Variants in ATP10B observed in about 807,000 individuals in gnomAD.
The protein encoded by ATP10B is ATPase phospholipid transporting 10B (putative).
In ATP10B, 122 loss-of-function variants were observed where a neutral mutation model predicts 141.2. The observed-to-expected ratio is 0.86, with a 90% CI of 0.75 to 1.00. The LOEUF (loss-of-function observed/expected upper bound fraction) is 1.00. ATP10B is among the 50% of genes least tolerant of loss of function. ATP10B has a pLI of 0.00. For missense variants in ATP10B, 1,876 were observed against 1,825.3 expected (o/e 1.03, Z -0.51); for synonymous variants, 685 against 692.0 (o/e 0.99, Z 0.16).
At chr5:160,572,306 A>G (rs993531731) in intron 24 of ATP10B, among the ~76,000 whole-genome samples, 1 of 152,100 alleles carries the variant, frequency 6.6e-6, no homozygotes, top group Non-Finnish European at 1.5e-5. Flanking sequence ...AACTTTTTCA[A>G]TTGCTTTAAT....
At chr5:160,870,834 A>G in the ATP10B span, among the ~76,000 whole-genome samples, 1 of 152,148 alleles carries the variant, frequency 6.6e-6, no homozygotes, top group East Asian at 1.9e-4. Context: ...GAAAGCAGTC[A>G]GAGGGAAAAA....
chr5:160,635,348 G>C (rs1199524952), intron 11 of ATP10B, among the ~76,000 whole-genome samples: 1 of 152,086 alleles, frequency 6.6e-6, no homozygotes, highest in African/African-American at 2.4e-5. Context: ...TGAGTGAGGA[G>C]GGGGAGAGGG....
At chr5:160,819,883 C>T (rs1773968615) in intron 1 of ATP10B, among the ~76,000 whole-genome samples, 1 of 151,852 alleles carries the variant, frequency 6.6e-6, no homozygotes, top group African/African-American at 2.4e-5. Context: ...AGAAAAATCA[C>T]CTTCATTTTA....
At chr5:160,695,643 CA>C (rs1764316574) in intron 3 of ATP10B, among the ~76,000 whole-genome samples, 1 of 152,102 alleles carries the variant, frequency 6.6e-6, no homozygotes, top group African/African-American at 2.4e-5. Flanking sequence ...GGCTAAAAAG[CA>C]GAAATAAGTC....
chr5:160,582,634 A>G (rs1351031300), intron 24 of ATP10B, among the ~76,000 whole-genome samples: 1 of 151,360 alleles, frequency 6.6e-6, no homozygotes. Flanking sequence ...CTGTCTTGCT[A>G]GGTTGGAGAA....
chr5:160,823,093 C>T lies in ATP10B; in HGVS notation c.-576+28848G>A, dbSNP rs565641425. ...AGGATAAATGCTGAGGTGATAGATA[C>T]CCCCATTTACCCTGATGTGATTATT... On this transcript the variant is annotated intron_variant, in intron 1 of 25. Coordinates refer to ENST00000327245, the MANE Select transcript of ATP10B (RefSeq NM_025153.3). Among the ~76,000 whole-genome samples, 16 of 142,734 alleles carry T rather than the reference C, an allele frequency of 1.1e-4. No homozygotes were observed. In the South Asian group the frequency reaches 3.3e-3, roughly 30 times the overall value. 93.6% of individuals were successfully genotyped at this position (142,734 alleles called of 152,430 possible).
At chr5:160,832,062 T>C (rs1775117100) in intron 1 of ATP10B, among the ~76,000 whole-genome samples, 1 of 152,118 alleles carries the variant, frequency 6.6e-6, no homozygotes, top group African/African-American at 2.4e-5. Context: ...AGGGGTCAAA[T>C]AGCCCAGCAT....
intron 1 of ATP10B, among the ~76,000 whole-genome samples, chr5:160,845,191 T>A (rs1329642680): frequency 6.6e-6 from 1 of 152,228 alleles, no homozygotes; most frequent in Non-Finnish European, 1.5e-5. Flanking sequence ...ATTATCACTA[T>A]GTGACTCTAA....
At chr5:160,631,359 C>G (rs1188983459) in intron 13 of ATP10B, among the ~76,000 whole-genome samples, 4 of 152,192 alleles carry the variant, frequency 2.6e-5, no homozygotes, top group Non-Finnish European at 5.9e-5. Context: ...TGGGGAGAAA[C>G]TTGGTTTTCT....
chr5:160,620,916 G>A lies in ATP10B; in HGVS notation c.1847C>T (p.Thr616Met), dbSNP rs754939093. Reference sequence around the variant, plus strand: ...GAGCTGCTGAATCTTCTCCAGGGACGTCCCCAGAGCCTTGCTTGAGGGTTT... The same window carrying A: ...GAGCTGCTGAATCTTCTCCAGGGACATCCCCAGAGCCTTGCTTGAGGGTTT... The part of the protein sequence containing the change: ...TIKPSSKALG[T>M]SLEKIQQLFQ... Residue 616 changes from threonine (T) to methionine (M), a missense_variant, in exon 15 of 26, where the codon ACG becomes ATG. Transcript: ENST00000327245. 16 of 1,613,958 alleles carry A rather than the reference G, an allele frequency of 9.9e-6. No homozygotes were observed. The highest frequency in any genetic ancestry group is 2.7e-5 in the African/African-American group (2 of 74,926).
intron 3 of ATP10B, among the ~76,000 whole-genome samples, chr5:160,693,403 A>AC (rs1764184805): frequency 8.0e-6 from 1 of 125,612 alleles, no homozygotes; most frequent in Non-Finnish European, 1.6e-5. Flanking sequence ...TGGGTCAGAA[A>AC]ACACACACAC....
At chr5:160,906,292 G>A in the ATP10B span, among the ~76,000 whole-genome samples, 10 of 151,982 alleles carry the variant, frequency 6.6e-5, no homozygotes, top group South Asian at 1.9e-3. Flanking sequence ...GGAGCTTCAA[G>A]TACAGGGATC....
chr5:160,820,239 T>C (rs939892683), intron 1 of ATP10B, among the ~76,000 whole-genome samples: 2 of 151,800 alleles, frequency 1.3e-5, no homozygotes, highest in African/African-American at 4.8e-5. Flanking sequence ...TAGCAGGTAC[T>C]AAGAGCAACT....
At chr5:160,846,605 G>A (rs1294819201) in intron 1 of ATP10B, among the ~76,000 whole-genome samples, 2 of 152,090 alleles carry the variant, frequency 1.3e-5, no homozygotes, top group African/African-American at 4.8e-5. Flanking sequence ...GCTGCTATTA[G>A]CAGTAGTAGC....
At chr5:160,888,672 A>G in the ATP10B span, among the ~76,000 whole-genome samples, 1 of 152,156 alleles carries the variant, frequency 6.6e-6, no homozygotes, top group African/African-American at 2.4e-5. Context: ...CCCTTCTGCA[A>G]TTGGCTCTGT....
At chr5:160,825,107 C>T (rs1393719321) in intron 1 of ATP10B, among the ~76,000 whole-genome samples, 1 of 152,118 alleles carries the variant, frequency 6.6e-6, no homozygotes, top group Non-Finnish European at 1.5e-5. Context: ...CTTTTTATGT[C>T]TCTCTACCCC....
At position 160,688,801 on chromosome 5, in the gene ATP10B, T is replaced by A. The variant is rs552665440; in HGVS notation, c.-62A>T. 1.0e-5 allele frequency: 10 copies of A among 985,430 alleles called. No homozygotes were observed. The African/African-American group carries it at 1.6e-4, about 15-fold the overall frequency. The allele number at this position is 985,430 out of a possible 1,614,324, so 61.0% of individuals were successfully genotyped here. A position where few individuals can be genotyped will look rare whatever the true frequency, so the allele number is the denominator to read the frequency against. On this transcript the variant is annotated 5_prime_UTR_variant, in exon 4 of 26. Coordinates refer to ENST00000327245, the MANE Select transcript of ATP10B (RefSeq NM_025153.3). ...AAAGGAGAGTGATAAGTAGAATAGA[T>A]GGGAGAGGTTCTTTCCTAGGAAATT...
chr5:160,635,861 T>G (rs1216682173), intron 11 of ATP10B, among the ~76,000 whole-genome samples: 1 of 152,220 alleles, frequency 6.6e-6, no homozygotes, highest in African/African-American at 2.4e-5. Flanking sequence ...CTTTTGTTCC[T>G]AGATCATTCA....
chr5:160,810,274 T>C (rs763686104), intron 1 of ATP10B, among the ~76,000 whole-genome samples: 1 of 152,156 alleles, frequency 6.6e-6, no homozygotes, highest in African/African-American at 2.4e-5. Flanking sequence ...TTTTCTACCA[T>C]GGTTTGCAAT....
Sources: allele counts gnomAD v4.1 joint callset (sites outside exome capture counted in the v4.1 genomes callset), GRCh38; gene constraint gnomAD v4.1.1; transcripts MANE v1.5; gene names NCBI Gene and HGNC (gene_info 2026-07-23, HGNC 2026-07-21).